RNF4: variants seen among roughly 807,000 people sequenced by gnomAD.
The protein encoded by RNF4 is ring finger protein 4.
A neutral mutation model predicts 24.3 loss-of-function variants in RNF4; 7 were observed. The ratio of observed to expected loss-of-function variants is 0.29; its 90% CI spans 0.16 to 0.54. The LOEUF is 0.54. Among genes scored for constraint, RNF4 ranks in the 20% least tolerant of loss-of-function variants. RNF4 has a pLI of 0.95. For missense variants in RNF4, 209 were observed against 248.5 expected, an observed-to-expected ratio of 0.84 and a Z score of 1.07; for synonymous variants, 83 against 84.3, an observed-to-expected ratio of 0.98 and a Z score of 0.09.
chr4:2,493,594 A>G (rs1735645284), intron 2 of RNF4, among the ~76,000 whole-genome samples: 1 of 151,890 alleles, frequency 6.6e-6, no homozygotes, highest in Admixed American at 6.6e-5. Context: ...ATACAAAAAA[A>G]TTAGCTAAGC....
chr4:2,496,718 G>A (rs1053720024), intron 2 of RNF4, among the ~76,000 whole-genome samples: 3 of 151,972 alleles, frequency 2.0e-5, no homozygotes, highest in Non-Finnish European at 2.9e-5. Context: ...CTCAGCCTCC[G>A]AAAGTGCTGG....
chr4:2,512,153 A>G lies in RNF4; in HGVS notation c.214+188A>G. 1 of 651,476 alleles carries G rather than the reference A, an allele frequency of 1.5e-6. No homozygotes were observed. The highest frequency in any genetic ancestry group is 1.9e-5 in the South Asian group (1 of 51,722). The allele number at this position is 651,476 out of a possible 1,614,324, so 40.4% of individuals were successfully genotyped here. A position where few individuals can be genotyped will look rare whatever the true frequency, so the allele number is the denominator to read the frequency against. ...CCCTTGTGCCTGCTGAAGAAACTTC[A>G]CCACTATCATTGAGCACTGAGCTAT... is the stretch of plus-strand genomic sequence containing the variant. On this transcript the variant is annotated intron_variant, in intron 5 of 7. Transcript: ENST00000314289. This position sits in a 1 kb window ranked among gnomAD's most constrained non-coding sequence, Gnocchi z 4.1.
Position 2,503,092 on chromosome 4 carries a change from T to A in RNF4, c.204+2354T>A, listed in dbSNP as rs558716616. ...GGTCTCACTGTGATGCCCAGGCTGG[T>A]CTTGAACTCCTGGGCTCAAGCAGTC... is the stretch of plus-strand genomic sequence containing the variant. On this transcript the variant is annotated intron_variant, in intron 4 of 7. Transcript: ENST00000314289. Among the ~76,000 whole-genome samples the A allele has an allele frequency of 2.2e-4, 33 of 152,198 alleles. No homozygotes were observed. The East Asian group carries it at 6.0e-3, about 28-fold the overall frequency.
chr4:2,514,769 A>C lies in RNF4; in HGVS notation c.*950A>C, dbSNP rs1327108055. 3.3e-5 allele frequency: 5 copies of C among 152,638 alleles called. No homozygotes were observed. The East Asian group carries it at 9.6e-4, about 29-fold the overall frequency. The allele number at this position is 152,638 out of a possible 1,614,324, so 9.5% of individuals were successfully genotyped here. On this transcript the variant is annotated 3_prime_UTR_variant, in exon 8 of 8. Coordinates refer to ENST00000314289, the MANE Select transcript of RNF4 (RefSeq NM_002938.5). ...AGGTGGTGGCAGTAATTGTGGCCTT[A>C]TCAGCCGCTCAGTTCCAGGCTTTTG...
chr4:2,511,076 C>T (rs900537521), intron 4 of RNF4, among the ~76,000 whole-genome samples: 4 of 152,224 alleles, frequency 2.6e-5, no homozygotes, highest in Non-Finnish European at 2.9e-5. Flanking sequence ...CTACATTGGT[C>T]GCGTCAGCTT....
At chr4:2,500,241 A>C (rs1362971888) in intron 3 of RNF4, among the ~76,000 whole-genome samples, 1 of 152,054 alleles carries the variant, frequency 6.6e-6, no homozygotes, top group Non-Finnish European at 1.5e-5. Context: ...CCTTGGGCCA[A>C]GTGAGAGTGG....
chr4:2,477,651 G>A (rs934955204), intron 1 of RNF4, among the ~76,000 whole-genome samples: 3 of 152,150 alleles, frequency 2.0e-5, no homozygotes, highest in South Asian at 2.1e-4. Flanking sequence ...TTTGCCTGCT[G>A]CCATCTATGT....
intron 1 of RNF4, among the ~76,000 whole-genome samples, chr4:2,471,979 A>G (rs1377188046): frequency 6.6e-6 from 1 of 152,244 alleles, no homozygotes; most frequent in Admixed American, 6.5e-5. Context: ...TAATTGATGA[A>G]GGTGGCCACA....
At chr4:2,509,366 C>A (rs576121905) in intron 4 of RNF4, among the ~76,000 whole-genome samples, 1 of 151,606 alleles carries the variant, frequency 6.6e-6, no homozygotes, top group Non-Finnish European at 1.5e-5. Flanking sequence ...TACAGCCACG[C>A]GCCACCACAC....
At chr4:2,493,853 T>C (rs1044759397) in intron 2 of RNF4, among the ~76,000 whole-genome samples, 3 of 151,676 alleles carry the variant, frequency 2.0e-5, no homozygotes, top group African/African-American at 4.8e-5. Context: ...TTTATTATTA[T>C]TATTTTGAGA....
chr4:2,482,885 C>T (rs1310648698), intron 1 of RNF4, among the ~76,000 whole-genome samples: 1 of 152,182 alleles, frequency 6.6e-6, no homozygotes, highest in Admixed American at 6.5e-5. Flanking sequence ...TCTTCAACCT[C>T]CTCTGAGTCC....
At chr4:2,495,269 T>C (rs529347362) in intron 2 of RNF4, among the ~76,000 whole-genome samples, 1 of 152,158 alleles carries the variant, frequency 6.6e-6, no homozygotes, top group Non-Finnish European at 1.5e-5. Flanking sequence ...GAACACAGAA[T>C]CAGGCTTATC....
chr4:2,478,950 A>G (rs1240927438), intron 1 of RNF4, among the ~76,000 whole-genome samples: 1 of 152,194 alleles, frequency 6.6e-6, no homozygotes, highest in Non-Finnish European at 1.5e-5. Flanking sequence ...AACACCACCC[A>G]GTGAAAACAG....
intron 2 of RNF4, among the ~76,000 whole-genome samples, chr4:2,495,778 A>G (rs992729130): frequency 6.6e-6 from 1 of 152,048 alleles, no homozygotes; most frequent in Non-Finnish European, 1.5e-5. Flanking sequence ...GATTACAGGC[A>G]TGTGCCACCA....
intron 4 of RNF4, among the ~76,000 whole-genome samples, chr4:2,501,858 A>C (rs1735920327): frequency 6.6e-6 from 1 of 152,122 alleles, no homozygotes; most frequent in African/African-American, 2.4e-5. Context: ...GTTGCTTCTT[A>C]GTTGTGCTGA....
intron 4 of RNF4, among the ~76,000 whole-genome samples, chr4:2,510,470 A>G (rs1736240857): frequency 1.3e-5 from 2 of 152,224 alleles, no homozygotes; most frequent in Non-Finnish European, 2.9e-5. Flanking sequence ...GGCTCAAGAC[A>G]TAGCAGCCTC....
chr4:2,487,060 C>T (rs1159731484), intron 1 of RNF4, among the ~76,000 whole-genome samples: 1 of 152,150 alleles, frequency 6.6e-6, no homozygotes, highest in Non-Finnish European at 1.5e-5. Flanking sequence ...CTAGACAAGT[C>T]TTTTCCTAGC....
Position 2,472,127 on chromosome 4 carries a change from C to T in RNF4, c.-158+2869C>T, listed in dbSNP as rs1004129930. ...ATTCTCTTGTTAGGGGCTAGTGTGG[C>T]CAGTGACTTAAGTTGTAACTAGTGC... On this transcript the variant is annotated intron_variant, in intron 1 of 7. Transcript: ENST00000314289. Among the ~76,000 whole-genome samples, 6 of 152,086 alleles carry T rather than the reference C, an allele frequency of 3.9e-5. No individual in the cohort carries two copies. The East Asian group carries it at 1.2e-3, about 29-fold the overall frequency.
At chr4:2,492,663 G>A (rs1485066570) in intron 2 of RNF4, among the ~76,000 whole-genome samples, 1 of 152,176 alleles carries the variant, frequency 6.6e-6, no homozygotes, top group Non-Finnish European at 1.5e-5. Flanking sequence ...TGATGGAAAT[G>A]CTGGTCACAC....
Sources: allele counts gnomAD v4.1 joint callset (sites outside exome capture counted in the v4.1 genomes callset), GRCh38; gene constraint gnomAD v4.1.1; non-coding constraint Gnocchi (gnomAD v3.1); transcripts MANE v1.5; gene names NCBI Gene and HGNC (gene_info 2026-07-23, HGNC 2026-07-21).